PDE4D: variants seen among roughly 807,000 people sequenced by gnomAD.
PDE4D encodes 3',5'-cyclic-AMP phosphodiesterase 4D.
Under a neutral mutation model 87.4 loss-of-function variants are expected in PDE4D, and 24 were observed. That is an observed-to-expected ratio of 0.27 (90% CI 0.20 to 0.39). PDE4D has a LOEUF of 0.39. PDE4D is among the 10% of genes least tolerant of loss of function. PDE4D has a pLI of 1.00. For synonymous variants in PDE4D, 384 were observed against 383.2 expected (o/e 1.00, Z -0.02); for missense variants, 714 against 1,041.0 (o/e 0.69, Z 4.32).
intron 1 of PDE4D, among the ~76,000 whole-genome samples, chr5:60,343,571 A>C (rs1310789865): frequency 6.6e-6 from 1 of 152,182 alleles, no homozygotes; most frequent in African/African-American, 2.4e-5. Flanking sequence ...TCACACATCC[A>C]TTCTTCACCT....
At chr5:60,353,655 G>A (rs1390059676) in intron 1 of PDE4D, among the ~76,000 whole-genome samples, 1 of 152,206 alleles carries the variant, frequency 6.6e-6, no homozygotes, top group African/African-American at 2.4e-5. Flanking sequence ...CTAAGAGATG[G>A]TTCCAGCTTT....
chr5:59,979,515 A>G (rs1294722734), intron 3 of PDE4D, among the ~76,000 whole-genome samples: 1 of 151,788 alleles, frequency 6.6e-6, no homozygotes, highest in African/African-American at 2.4e-5. Context: ...ACCCCCTGAG[A>G]AAAAGCCCTC....
chr5:59,920,717 G>A (rs372941921), intron 3 of PDE4D, among the ~76,000 whole-genome samples: 4 of 152,204 alleles, frequency 2.6e-5, no homozygotes, highest in East Asian at 1.9e-4. Context: ...GTAGGGACAC[G>A]GATGAAACTG....
intron 1 of PDE4D, among the ~76,000 whole-genome samples, chr5:59,745,103 C>T (rs1759415333): frequency 6.6e-6 from 1 of 152,144 alleles, no homozygotes; most frequent in African/African-American, 2.4e-5. Flanking sequence ...TCAGCTTTCA[C>T]ATCTCATGCT....
At chr5:59,498,252 T>TA (rs1304495728) in intron 1 of PDE4D, among the ~76,000 whole-genome samples, 5 of 151,560 alleles carry the variant, frequency 3.3e-5, no homozygotes, top group Non-Finnish European at 7.4e-5. Context: ...CCACAGGCCC[T>TA]AAGCAGTGAC....
chr5:60,265,637 G>A (rs980146315), intron 1 of PDE4D, among the ~76,000 whole-genome samples: 6 of 152,178 alleles, frequency 3.9e-5, no homozygotes, highest in African/African-American at 1.4e-4. Context: ...GGCTCAATCA[G>A]GAGGCCTTAG....
At chr5:59,470,392 A>C (rs1317835884) in intron 1 of PDE4D, among the ~76,000 whole-genome samples, 1 of 152,198 alleles carries the variant, frequency 6.6e-6, no homozygotes, top group East Asian at 1.9e-4. Context: ...TCTTGTTAAT[A>C]AGATAACATT....
intron 1 of PDE4D, among the ~76,000 whole-genome samples, chr5:60,424,263 C>T (rs1743430751): frequency 6.6e-6 from 1 of 152,190 alleles, no homozygotes; most frequent in Non-Finnish European, 1.5e-5. Context: ...CCCTGATGAA[C>T]ATCGATGAGA....
chr5:59,731,952 T>C (rs1478814459), intron 1 of PDE4D, among the ~76,000 whole-genome samples: 2 of 152,160 alleles, frequency 1.3e-5, no homozygotes, highest in Admixed American at 6.6e-5. Context: ...GTCATGCTAA[T>C]GTGCACAAAA....
rs1036669431 is a variant in PDE4D at position 59,402,787 on chromosome 5, TA to T, written c.456-186820del. ...ATAAGGCTCTCAAACTATTTTTTTT[TA>T]AATTCCATATTTCTAACTGACTTTC... On this transcript the variant is annotated intron_variant, in intron 1 of 14. Transcript: ENST00000340635. Among the ~76,000 whole-genome samples, 24 of 152,232 alleles carry T rather than the reference TA, an allele frequency of 1.6e-4. No individual in the cohort carries two copies. The East Asian group carries it at 1.7e-3, about 11-fold the overall frequency.
intron 1 of PDE4D, among the ~76,000 whole-genome samples, chr5:59,300,305 G>C (rs1191171843): frequency 6.6e-6 from 1 of 152,010 alleles, no homozygotes; most frequent in Non-Finnish European, 1.5e-5. Context: ...GCCTAAATCA[G>C]TGTTTCTTTG....
chr5:60,348,462 A>G (rs149279919), intron 1 of PDE4D, among the ~76,000 whole-genome samples: 2 of 152,128 alleles, frequency 1.3e-5, no homozygotes, highest in Admixed American at 6.6e-5. Context: ...AAAAAAACTC[A>G]AGTATGGAAA....
At chr5:60,410,835 T>C (rs1359197943) in intron 1 of PDE4D, among the ~76,000 whole-genome samples, 2 of 152,236 alleles carry the variant, frequency 1.3e-5, no homozygotes, top group Non-Finnish European at 2.9e-5. Flanking sequence ...ATGATGGCAA[T>C]GAGCCTCAGA....
Position 60,440,806 on chromosome 5 carries a change from G to T in PDE4D, c.-90+47136C>A, listed in dbSNP as rs1054492442. On this transcript the variant is annotated intron_variant, in intron 1 of 16. Coordinates refer to the PDE4D transcript ENST00000502484. ...TTAATTATTACAACAACCCTATAAGGCAGCACTATGATTATCCCCATTTTT... is the reference window on the plus strand; with the variant it reads ...TTAATTATTACAACAACCCTATAAGTCAGCACTATGATTATCCCCATTTTT... 2.0e-5 allele frequency among the ~76,000 whole-genome samples: 3 copies of T among 151,956 alleles called. No homozygotes were observed. In the East Asian group the frequency reaches 5.8e-4, roughly 29 times the overall value.
At chr5:59,556,788 G>A (rs1483015712) in intron 1 of PDE4D, among the ~76,000 whole-genome samples, 1 of 151,942 alleles carries the variant, frequency 6.6e-6, no homozygotes, top group Admixed American at 6.6e-5. Context: ...AAAAATTATT[G>A]ACTTTGTACT....
intron 1 of PDE4D, among the ~76,000 whole-genome samples, chr5:60,448,371 T>C (rs541987025): frequency 2.6e-4 from 39 of 152,286 alleles, no homozygotes; most frequent in African/African-American, 7.9e-4. Flanking sequence ...ATGTTATTAG[T>C]TCATAAATTT....
At chr5:60,216,041 C>CCT (rs1743819342) in intron 1 of PDE4D, among the ~76,000 whole-genome samples, 1 of 152,098 alleles carries the variant, frequency 6.6e-6, no homozygotes, top group Non-Finnish European at 1.5e-5. Context: ...ATTACTAACA[C>CCT]AAGATCTTTT....
intron 1 of PDE4D, among the ~76,000 whole-genome samples, chr5:60,400,025 A>T (rs1379318119): frequency 6.6e-6 from 1 of 152,248 alleles, no homozygotes; most frequent in African/African-American, 2.4e-5. Flanking sequence ...ATCAGGCCAT[A>T]TCAGGACCCC....
chr5:59,861,866 T>C (rs1746333378), intron 1 of PDE4D, among the ~76,000 whole-genome samples: 1 of 152,244 alleles, frequency 6.6e-6, no homozygotes, highest in African/African-American at 2.4e-5. Flanking sequence ...AAATCAGGAC[T>C]GTTTTCCTGC....
Sources: gnomAD v4.1 joint callset for allele counts (sites outside exome capture counted in the v4.1 genomes callset) on GRCh38, gnomAD v4.1.1 for gene constraint, MANE v1.5 for transcripts, NCBI Gene and HGNC (gene_info 2026-07-23, HGNC 2026-07-21) for gene names.